Variants in STAB1 observed in about 807,000 individuals in gnomAD.
The protein encoded by STAB1 is stabilin 1.
STAB1 carries 250 observed loss-of-function variants against 332.4 expected under a neutral mutation model. The observed-to-expected ratio is 0.75, with a 90% confidence interval of 0.68 to 0.84. The LOEUF is 0.84. STAB1 is among the 40% of genes least tolerant of loss of function. The probability of loss-of-function intolerance (pLI) is 0.00; values close to 1 mark genes in which losing one functional copy is unlikely to be tolerated. For missense variants in STAB1, 3,249 were observed against 3,489.7 expected (o/e 0.93, Z 1.74); for synonymous variants, 1,475 against 1,390.4 (o/e 1.06, Z -1.35).
rs761906452 is a variant in STAB1, at chr3:52,505,948, T to G, written c.1749+12T>G. ...ACAACCACGGCCAGGTGCGAGGTCT[T>G]TTTCTGGGGGGCGGCCAGCTTGTAC... On this transcript the variant is annotated intron_variant, in intron 16 of 68. Coordinates refer to ENST00000321725, the MANE Select transcript of STAB1 (RefSeq NM_015136.3). The G allele has an allele frequency of 6.2e-7, 1 of 1,613,332 alleles. No individual in the cohort carries two copies. Among genetic ancestry groups the G allele is most frequent in the South Asian group, 1.1e-5 (1 of 91,074 alleles).
rs1222437686 is a variant in STAB1 at position 52,512,348 on chromosome 3, G to A, written c.2891G>A (p.Cys964Tyr). 2 of 1,613,014 alleles carry A rather than the reference G, an allele frequency of 1.2e-6. No homozygotes were observed. The highest frequency in any genetic ancestry group is 1.3e-5 in the African/African-American group (1 of 75,034). ...GNGGCHGLAT[C>Y]RAVGGGQRVC... ...TTCTCACTCCCACCCCAGGCCACCT[G>A]CCGGGCAGTGGGGGGAGGTCAGCGG... is the stretch of plus-strand genomic sequence containing the variant. The change falls in exon 27 of 69, where the codon TGC (cysteine) becomes TAC (tyrosine). Residue 964 changes from cysteine to tyrosine, a missense_variant. Cys to Tyr is a radical substitution (Grantham distance 194). Transcript: ENST00000321725.
At position 52,511,642 on chromosome 3, in the gene STAB1, C is replaced by T. The variant is rs1367816973; in HGVS notation, c.2788-8C>T. On this transcript the variant is annotated splice_region_variant and splice_polypyrimidine_tract_variant and intron_variant, in intron 25 of 68. Transcript: ENST00000321725. The stretch of plus-strand genomic sequence containing the variant: ...TGAGACAAGGCCGTCTGTTCCTAAC[C>T]TTTCCAGAGCCGATGCACCTGCAAG... 6.2e-6 allele frequency: 10 copies of T among 1,607,240 alleles called. No individual in the cohort carries two copies. Among genetic ancestry groups the T allele is most frequent in the Non-Finnish European group, 8.5e-6 (10 of 1,176,372 alleles).
chr3:52,520,470 C>G lies in STAB1; in HGVS notation c.5570C>G (p.Ala1857Gly). Residue 1857 changes from alanine (A) to glycine (G), a missense_variant, in exon 53 of 69, where the codon GCC (alanine) becomes GGC (glycine). By Grantham distance (60) the Ala-to-Gly change is moderately conservative (BLOSUM62 0). Coordinates refer to ENST00000321725, the MANE Select transcript of STAB1 (RefSeq NM_015136.3). The stretch of plus-strand genomic sequence containing the variant: ...CACTTGCCCTTTGAGGGTGGCCTGG[C>G]CTATGGCATCGACCAGCTGCTGGAG... ...QRHLPFEGGL[A>G]YGIDQLLEPP... The G allele has an allele frequency of 3.7e-6, 6 of 1,612,756 alleles. No individual in the cohort carries two copies. Among genetic ancestry groups the G allele is most frequent in the Non-Finnish European group, 5.1e-6 (6 of 1,179,920 alleles).
Position 52,519,271 on chromosome 3 carries a change from T to G in STAB1, c.5042T>G (p.Ile1681Arg), listed in dbSNP as rs760353127. Residue 1681 changes from isoleucine to arginine, a missense_variant, in exon 49 of 69, where the codon ATA (isoleucine) becomes AGA (arginine). By Grantham distance (97) the Ile-to-Arg change is moderately conservative. Coordinates refer to ENST00000321725, the MANE Select transcript of STAB1 (RefSeq NM_015136.3). ...CCCGTGCCCCGCCCCCAGGGCAGCA[T>G]ATACCTCAATGACTTCGCGCGCGTG... ...PLRFSEREGS[I>R]YLNDFARVVS... 6.2e-7 allele frequency: 1 copy of G among 1,612,736 alleles called. No individual in the cohort carries two copies. Among genetic ancestry groups the G allele is most frequent in the East Asian group, 2.2e-5 (1 of 44,870 alleles).
At chr3:52,502,572 T>C (rs2153232966) in intron 5 of STAB1, 60 bp from the exon 6 acceptor site, 2 of 1,426,728 alleles carry the variant, frequency 1.4e-6, no homozygotes, top group Admixed American at 1.7e-5. Flanking sequence ...AGGGACCCGA[T>C]GTCCCAGTGT....
Position 52,510,440 on chromosome 3 carries a change from AGT to A in STAB1, c.2724_2725del (p.Cys908Ter), listed in dbSNP as rs1407517278. On this transcript the variant is annotated frameshift_variant, in exon 25 of 69. Transcript: ENST00000321725. LOFTEE classifies it high-confidence loss of function. ...GGCCGCGTCTGTGTGGCTATTGACG[AGT>A]GTGAGCTGGACATGAGAGGTGGCTG... The A allele has an allele frequency of 2.2e-5, 35 of 1,613,612 alleles. No homozygotes were observed. The highest frequency in any genetic ancestry group is 2.9e-5 in the Non-Finnish European group (34 of 1,179,974).
Position 52,521,530 on chromosome 3 carries a change from C to T in STAB1, c.6058+20C>T, listed in dbSNP as rs750914270. The T allele has an allele frequency of 1.2e-6, 2 of 1,613,796 alleles. No individual in the cohort carries two copies. The highest frequency in any genetic ancestry group is 1.3e-5 in the African/African-American group (1 of 74,926). On this transcript the variant is annotated intron_variant, in intron 56 of 68. Transcript: ENST00000321725. ...GTCAAGGTGGGCCATCCCTGCCTGC[C>T]CCACGGCCCGATTCCTTTGGCCCTT...
At chr3:52,504,319 C>T (rs1018329486) in intron 10 of STAB1, 142 bp from the exon 11 acceptor site, 9 of 1,361,942 alleles carry the variant, frequency 6.6e-6, no homozygotes, top group Non-Finnish European at 9.1e-6. Flanking sequence ...TGCTCTCCAA[C>T]CTCAAGGCCC....
rs371822549 is a variant in STAB1 at position 52,501,302 on chromosome 3, G to A, written c.215G>A (p.Arg72His). Residue 72 changes from arginine to histidine, a missense_variant and splice_region_variant, in exon 2 of 69, where the codon CGC becomes CAC. Transcript: ENST00000321725. ...ELPDQITQDC[R>H]YEVQLGGSMV... ...CCGGATCAGATAACCCAGGACTGCCGGTGCGGGCCACCCCTGTCCTTGCCT... is the reference window on the plus strand; with the variant it reads ...CCGGATCAGATAACCCAGGACTGCCAGTGCGGGCCACCCCTGTCCTTGCCT... 1.0e-4 allele frequency: 168 copies of A among 1,612,792 alleles called. No individual in the cohort carries two copies. The highest frequency in any genetic ancestry group is 1.2e-4 in the Non-Finnish European group (141 of 1,179,802).
At position 52,523,240 on chromosome 3, in the gene STAB1, A is replaced by G; in HGVS notation, c.7039A>G (p.Asn2347Asp). 1 of 1,613,260 alleles carries G rather than the reference A, an allele frequency of 6.2e-7. No homozygotes were observed. Among genetic ancestry groups the G allele is most frequent in the Non-Finnish European group, 8.5e-7 (1 of 1,179,996 alleles). ...GTGCCAGATGCTATTGGGCTATGCC[A>G]ATGCCACCCAGCGGGGTCTCGACTT... Reference protein sequence around the residue: ...TFYGMLLGYANATQRGLDFLD... With the variant: ...TFYGMLLGYADATQRGLDFLD... The change falls in exon 64 of 69, where the codon AAT becomes GAT. Residue 2347 changes from asparagine to aspartate, a missense_variant. Transcript: ENST00000321725.
Position 52,514,155 on chromosome 3 carries a change from A to G in STAB1, c.3488A>G (p.Tyr1163Cys). ...CCCCAGATTGAGGCTGCCACTGCCT[A>G]CACCATCTTTGTGCCCACCAACCGC... ...LVPQIEAATA[Y>C]TIFVPTNRSL... The change falls in exon 33 of 69, where the codon TAC becomes TGC. Residue 1163 changes from tyrosine (Y) to cysteine (C), a missense_variant. Tyr to Cys is a radical substitution (Grantham distance 194). Transcript: ENST00000321725. 6 of 1,613,374 alleles carry G rather than the reference A, an allele frequency of 3.7e-6. No individual in the cohort carries two copies. Among genetic ancestry groups the G allele is most frequent in the Non-Finnish European group, 4.2e-6 (5 of 1,179,978 alleles).
intron 1 of STAB1, 23 bp from the exon 2 acceptor site, chr3:52,501,143 C>T: frequency 6.2e-7 from 1 of 1,608,646 alleles, no homozygotes; most frequent in Non-Finnish European, 8.5e-7. Context: ...AGGCCCCTGA[C>T]CACACCCTGC....
At position 52,520,585 on chromosome 3, in the gene STAB1, C is replaced by T. The variant is rs201618021; in HGVS notation, c.5649+36C>T. 754 of 1,612,030 alleles carry T rather than the reference C, an allele frequency of 4.7e-4. 3 individuals are homozygous for T. The African/African-American group carries it at 9.2e-3, about 20-fold the overall frequency. On this transcript the variant is annotated intron_variant, in intron 53 of 68. Coordinates refer to ENST00000321725, the MANE Select transcript of STAB1 (RefSeq NM_015136.3). ...CCAGAGGCAGACGGGCAGAAGCCCA[C>T]CCCGCCTGTGGTGTCCATCCACCTG... is the stretch of plus-strand genomic sequence containing the variant.
chr3:52,524,390 G>A lies in STAB1; in HGVS notation c.*34G>A. On this transcript the variant is annotated 3_prime_UTR_variant, in exon 69 of 69. Transcript: ENST00000321725. ...GGGCTGAAAGCAGAAGCATGCACAGGGAGGAGACCACTTTTATTGCTTGTC... is the reference window on the plus strand; with the variant it reads ...GGGCTGAAAGCAGAAGCATGCACAGAGAGGAGACCACTTTTATTGCTTGTC... 1 of 1,613,158 alleles carries A rather than the reference G, an allele frequency of 6.2e-7. No homozygotes were observed. The highest frequency in any genetic ancestry group is 1.3e-5 in the African/African-American group (1 of 75,068).
chr3:52,513,116 C>T lies in STAB1; in HGVS notation c.3159-14C>T, dbSNP rs369395939. Reference sequence around the variant, plus strand: ...AACCTGATTCCATGACCCCCCTAAACTGTGCCCTGTCAGGGCCCATTTTCT... The same window carrying T: ...AACCTGATTCCATGACCCCCCTAAATTGTGCCCTGTCAGGGCCCATTTTCT... On this transcript the variant is annotated splice_polypyrimidine_tract_variant and intron_variant, in intron 29 of 68. Coordinates refer to ENST00000321725, the MANE Select transcript of STAB1 (RefSeq NM_015136.3). The T allele has an allele frequency of 2.9e-4, 447 of 1,558,138 alleles. 1 individual carries two copies. Among genetic ancestry groups the T allele is most frequent in the Non-Finnish European group, 3.7e-4 (423 of 1,150,790 alleles).
At chr3:52,499,772 G>A (rs1708303996) in intron 1 of STAB1, among the ~76,000 whole-genome samples, 1 of 150,438 alleles carries the variant, frequency 6.6e-6, no homozygotes, top group African/African-American at 2.4e-5. Context: ...AGTGGCGGGC[G>A]CCTGTAGTCC....
At chr3:52,518,502 C>T in intron 46 of STAB1, 34 bp from the exon 47 acceptor site, 1 of 1,566,890 alleles carries the variant, frequency 6.4e-7, no homozygotes, top group Non-Finnish European at 8.7e-7. Flanking sequence ...TCAGGCTTCT[C>T]CCATTCCACT....
At chr3:52,513,327 G>A in intron 30 of STAB1, 86 bp downstream of exon 30, 1 of 1,367,756 alleles carries the variant, frequency 7.3e-7, no homozygotes, top group Non-Finnish European at 9.9e-7. Flanking sequence ...CACATCAGGG[G>A]CCCCATGGGA....
Position 52,510,359 on chromosome 3 carries a change from T to G in STAB1, c.2639T>G (p.Val880Gly). ...RGGCSENAEC[V>G]PGSLGTHHCT... Reference sequence around the variant, plus strand: ...CCATGGCTCTCACAGGCTGAGTGTGTCCCTGGGTCCCTGGGCACCCACCAC... The same window carrying G: ...CCATGGCTCTCACAGGCTGAGTGTGGCCCTGGGTCCCTGGGCACCCACCAC... The change falls in exon 25 of 69, where the codon GTC (valine) becomes GGC (glycine). Residue 880 changes from valine (V) to glycine (G), a missense_variant. Val to Gly is a moderately radical substitution (Grantham distance 109, BLOSUM62 -3). Coordinates refer to ENST00000321725, the MANE Select transcript of STAB1 (RefSeq NM_015136.3). 6.2e-7 allele frequency: 1 copy of G among 1,613,906 alleles called. No homozygotes were observed. Among genetic ancestry groups the G allele is most frequent in the South Asian group, 1.1e-5 (1 of 91,068 alleles).
Sources: allele counts gnomAD v4.1 joint callset (sites outside exome capture counted in the v4.1 genomes callset), GRCh38; gene constraint gnomAD v4.1.1; transcripts MANE v1.5; gene names NCBI Gene and HGNC (gene_info 2026-07-23, HGNC 2026-07-21).